The following GIMAP6 variants were observed in gnomAD, a reference collection of about 807,000 sequenced individuals.
GIMAP6 encodes the protein GTPase, IMAP family member 6.
A neutral mutation model predicts 9.3 loss-of-function variants in GIMAP6; 6 were observed. That is an observed-to-expected ratio of 0.65 (90% CI 0.35 to 1.27). The LOEUF (loss-of-function observed/expected upper bound fraction) is 1.27, where lower values mean the gene tolerates loss of function less well. Among genes scored for constraint, GIMAP6 ranks in the 50% most tolerant of loss-of-function variants. The pLI is 0.03. For synonymous variants in GIMAP6, 156 were observed against 151.1 expected (o/e 1.03, Z -0.24); for missense variants, 333 against 359.5 (o/e 0.93, Z 0.60).
Position 150,628,327 on chromosome 7 carries a change from G to A in GIMAP6, c.271C>T (p.Leu91Phe), listed in dbSNP as rs775424203. 3 of 1,614,116 alleles carry A rather than the reference G, an allele frequency of 1.9e-6. No individual in the cohort carries two copies. The highest frequency in any genetic ancestry group is 1.7e-5 in the Admixed American group (1 of 60,030). The change falls in exon 3 of 3, where the codon CTT becomes TTT. Residue 91 changes from leucine (L) to phenylalanine (F), a missense_variant. Coordinates refer to ENST00000328902, the MANE Select transcript of GIMAP6 (RefSeq NM_024711.6). Reference protein sequence around the residue: ...RRSREWAGKELEVIDTPNILS... With the variant: ...RRSREWAGKEFEVIDTPNILS... ...ATGTTGGGTGTGTCAATCACCTCAA[G>A]CTCCTTCCCAGCCCACTCTCGGCTC...
intron 2 of GIMAP6, chr7:150,628,825 C>T (rs759035276): frequency 2.2e-5 from 27 of 1,203,812 alleles, no homozygotes; most frequent in Admixed American, 6.2e-5. Flanking sequence ...TTCCCTTCTC[C>T]TGGCCTTGCG....
Position 150,627,690 on chromosome 7 carries a change from G to A in GIMAP6, c.*29C>T. ...GACACAGGGGGGTGCAAAGGCTGAT[G>A]GTGTCCTTGGCTCAAGTCCAGCACA... On this transcript the variant is annotated 3_prime_UTR_variant, in exon 3 of 3. Coordinates refer to ENST00000328902, the MANE Select transcript of GIMAP6 (RefSeq NM_024711.6). 6.2e-7 allele frequency: 1 copy of A among 1,611,972 alleles called. No homozygotes were observed. The highest frequency in any genetic ancestry group is 8.5e-7 in the Non-Finnish European group (1 of 1,178,874).
rs1399026910 is a variant in GIMAP6 at position 150,626,173 on chromosome 7, T to G, written c.*1546A>C. 6.6e-6 allele frequency: 1 copy of G among 152,294 alleles called. No homozygotes were observed. Among genetic ancestry groups the G allele is most frequent in the African/African-American group, 2.4e-5 (1 of 41,472 alleles). The allele number at this position is 152,294 out of a possible 1,614,324, so 9.4% of individuals were successfully genotyped here. A position where few individuals can be genotyped will look rare whatever the true frequency, so the allele number is the denominator to read the frequency against. On this transcript the variant is annotated 3_prime_UTR_variant, in exon 3 of 3. Transcript: ENST00000328902. ...GCCACAGGTCGGCTGTGAGCATCTGTGTCTAGCTGTTGAGCATCTCCAACA... is the reference window on the plus strand; with the variant it reads ...GCCACAGGTCGGCTGTGAGCATCTGGGTCTAGCTGTTGAGCATCTCCAACA...
At chr7:150,630,974 T>C (rs1227241033) in intron 1 of GIMAP6, among the ~76,000 whole-genome samples, 1 of 152,182 alleles carries the variant, frequency 6.6e-6, no homozygotes, top group Non-Finnish European at 1.5e-5. Flanking sequence ...ACTAACACAG[T>C]TCTCTGTGCC....
chr7:150,630,598 C>T (rs1277952255), intron 1 of GIMAP6, among the ~76,000 whole-genome samples: 1 of 152,084 alleles, frequency 6.6e-6, no homozygotes, highest in African/African-American at 2.4e-5. Context: ...GCCTGGAGGA[C>T]GTGAATGAGT....
intron 1 of GIMAP6, 55 bp from the exon 2 acceptor site, chr7:150,630,197 G>A: frequency 7.2e-7 from 1 of 1,379,566 alleles, no homozygotes; most frequent in Non-Finnish European, 9.8e-7. Context: ...TTCCAAATGA[G>A]TTTCAACAGC....
At chr7:150,630,164 AAAAAT>A in intron 1 of GIMAP6, 22 bp from the exon 2 acceptor site, 2 of 1,506,802 alleles carry the variant, frequency 1.3e-6, no homozygotes, top group South Asian at 2.5e-5. Flanking sequence ...AAAAAAAAAA[AAAAAT>A]CATATGTTCT....
In GIMAP6 at chr7:150,630,152, A is replaced by G. The variant is rs747529434; in HGVS notation, c.1-10T>C. ...ATTCTTCTTCCTCCATCTACAAAAA[A>G]AAAAAAAAAAAAAAAATCATATGTT... On this transcript the variant is annotated splice_polypyrimidine_tract_variant and intron_variant, in intron 1 of 2. Coordinates refer to ENST00000328902, the MANE Select transcript of GIMAP6 (RefSeq NM_024711.6). 482 of 1,461,988 alleles carry G rather than the reference A, an allele frequency of 3.3e-4. 3 individuals are homozygous for G. The African/African-American group carries it at 6.6e-3, about 20-fold the overall frequency. 90.6% of individuals were successfully genotyped at this position (1,461,988 alleles called of 1,614,324 possible).
intron 1 of GIMAP6, among the ~76,000 whole-genome samples, chr7:150,631,580 G>C (rs954125945): frequency 6.6e-5 from 10 of 152,332 alleles, no homozygotes; most frequent in African/African-American, 2.2e-4. Flanking sequence ...ACAGCCGGGT[G>C]GGACTAGGCT....
At chr7:150,630,887 C>T (rs1451217785) in intron 1 of GIMAP6, among the ~76,000 whole-genome samples, 3 of 152,200 alleles carry the variant, frequency 2.0e-5, no homozygotes, top group South Asian at 2.1e-4. Context: ...GTCCTTTTTG[C>T]AAATTAGGGC....
chr7:150,628,243 A>G lies in GIMAP6; in HGVS notation c.355T>C (p.Ser119Pro), dbSNP rs1796332896. 2.5e-6 allele frequency: 4 copies of G among 1,614,140 alleles called. No individual in the cohort carries two copies. Among genetic ancestry groups the G allele is most frequent in the Non-Finnish European group, 3.4e-6 (4 of 1,179,986 alleles). Residue 119 changes from serine to proline, a missense_variant, in exon 3 of 3, where the codon TCC becomes CCC. Physicochemically the swap from Ser to Pro is moderately conservative, Grantham distance 74. Transcript: ENST00000328902. ...AGCACGGCGTGGGGCCCTGGGGCGG[A>G]TAAGACGATGGCTTGGCAGATAGCG... ...ADAICQAIVL[S>P]APGPHAVLLV...
intron 2 of GIMAP6, among the ~76,000 whole-genome samples, chr7:150,629,738 C>T (rs773587091): frequency 3.3e-5 from 5 of 152,332 alleles, no homozygotes; most frequent in South Asian, 4.1e-4. Flanking sequence ...TTTCGTCACA[C>T]GCACTGTCAG....
chr7:150,628,241 G>A lies in GIMAP6; in HGVS notation c.357C>T (p.Ser119=), dbSNP rs753596703. Reference sequence around the variant, plus strand: ...GGAGCACGGCGTGGGGCCCTGGGGCGGATAAGACGATGGCTTGGCAGATAG... The same window carrying A: ...GGAGCACGGCGTGGGGCCCTGGGGCAGATAAGACGATGGCTTGGCAGATAG... ...ADAICQAIVL[S]APGPHAVLLV... The change falls in exon 3 of 3, where the codon TCC becomes TCT. Residue 119 remains serine (S), a synonymous_variant. Coordinates refer to ENST00000328902, the MANE Select transcript of GIMAP6 (RefSeq NM_024711.6). 5.7e-5 allele frequency: 92 copies of A among 1,614,014 alleles called. No individual in the cohort carries two copies. The highest frequency in any genetic ancestry group is 1.3e-4 in the South Asian group (12 of 91,082).
intron 2 of GIMAP6, among the ~76,000 whole-genome samples, chr7:150,629,836 G>T (rs143160275): frequency 2.0e-5 from 3 of 151,964 alleles, no homozygotes; most frequent in Admixed American, 2.0e-4. Context: ...GCTATTTCTC[G>T]CCTCCTTTTA....
chr7:150,630,747 A>C (rs1796377830), intron 1 of GIMAP6, among the ~76,000 whole-genome samples: 1 of 152,240 alleles, frequency 6.6e-6, no homozygotes, highest in Non-Finnish European at 1.5e-5. Context: ...AGAAGCAGCC[A>C]CCAGTTAGCT....
In GIMAP6 at chr7:150,627,292, TG is replaced by T. The variant is rs1001659683; in HGVS notation, c.*426del. ...GTGTGGGGAGAGATGAGAAGTCATC[TG>T]GTCAACAGCTTGCATGGAGTTGCCG... is the stretch of plus-strand genomic sequence containing the variant. On this transcript the variant is annotated 3_prime_UTR_variant, in exon 3 of 3. Transcript: ENST00000328902. The T allele has an allele frequency of 8.8e-6, 2 of 226,828 alleles. No homozygotes were observed. Among genetic ancestry groups the T allele is most frequent in the Admixed American group, 1.1e-4 (2 of 19,036 alleles). The allele number at this position is 226,828 out of a possible 1,614,324, so 14.1% of individuals were successfully genotyped here.
chr7:150,632,234 G>C lies in GIMAP6; in HGVS notation c.-66C>G, dbSNP rs1329929244. 6.6e-6 allele frequency: 1 copy of C among 152,378 alleles called. No individual in the cohort carries two copies. The highest frequency in any genetic ancestry group is 2.4e-5 in the African/African-American group (1 of 41,442). The allele number at this position is 152,378 out of a possible 1,614,324, so 9.4% of individuals were successfully genotyped here. On this transcript the variant is annotated 5_prime_UTR_variant, in exon 1 of 3. Coordinates refer to ENST00000328902, the MANE Select transcript of GIMAP6 (RefSeq NM_024711.6). ...TGGTCTCCCGGCCACGCACTCTCACGGAGGAGGCAGAGAAAAGCTTCCACA... is the reference window on the plus strand; with the variant it reads ...TGGTCTCCCGGCCACGCACTCTCACCGAGGAGGCAGAGAAAAGCTTCCACA...
chr7:150,627,635 C>T lies in GIMAP6; in HGVS notation c.*84G>A. ...CATGACCTGGAGACTGGGAAGCACTCCATGGGATGGAAAGAGAAACAGAGG... is the reference window on the plus strand; with the variant it reads ...CATGACCTGGAGACTGGGAAGCACTTCATGGGATGGAAAGAGAAACAGAGG... On this transcript the variant is annotated 3_prime_UTR_variant, in exon 3 of 3. Coordinates refer to ENST00000328902, the MANE Select transcript of GIMAP6 (RefSeq NM_024711.6). 1 of 1,559,998 alleles carries T rather than the reference C, an allele frequency of 6.4e-7. No individual in the cohort carries two copies. Among genetic ancestry groups the T allele is most frequent in the South Asian group, 1.1e-5 (1 of 89,244 alleles).
chr7:150,629,505 C>A (rs908920382), intron 2 of GIMAP6, among the ~76,000 whole-genome samples: 4 of 152,142 alleles, frequency 2.6e-5, no homozygotes, highest in African/African-American at 9.7e-5. Context: ...GGATGAATGA[C>A]GAAGTTGAGC....
Sources: allele counts gnomAD v4.1 joint callset (sites outside exome capture counted in the v4.1 genomes callset), GRCh38; gene constraint gnomAD v4.1.1; transcripts MANE v1.5; gene names NCBI Gene and HGNC (gene_info 2026-07-23, HGNC 2026-07-21).